DNMBP: variants seen among roughly 807,000 people sequenced by gnomAD.
DNMBP encodes dynamin-binding protein.
DNMBP carries 87 observed loss-of-function variants against 150.0 expected under a neutral mutation model. That is an observed-to-expected ratio of 0.58 (90% CI 0.49 to 0.69). DNMBP has a LOEUF of 0.69. DNMBP is among the 30% of genes least tolerant of loss of function. The pLI is 0.00. For missense variants in DNMBP, 1,774 were observed against 1,949.0 expected, an observed-to-expected ratio of 0.91 and a Z score of 1.69; for synonymous variants, 711 against 750.4, an observed-to-expected ratio of 0.95 and a Z score of 0.86.
In DNMBP at chr10:99,879,084, C is replaced by CAAAAAAAAAAAAAAAAAAAAAAAA. The variant is rs71009780; in HGVS notation, c.4548+726_4548+727insTTTTTTTTTTTTTTTTTTTTTTTT. 1.8e-4 allele frequency among the ~76,000 whole-genome samples: 11 copies of CAAAAAAAAAAAAAAAAAAAAAAAA among 62,396 alleles called. 1 individual carries two copies. The highest frequency in any genetic ancestry group is 2.8e-4 in the Non-Finnish European group (10 of 35,894). 40.9% of individuals were successfully genotyped at this position (62,396 alleles called of 152,430 possible). A position where few individuals can be genotyped will look rare whatever the true frequency, so the allele number is the denominator to read the frequency against. ...TGGGCGACAGAGCAAGACTCTGTCT[C>CAAAAAAAAAAAAAAAAAAAAAAAA]AAAAAAAAAAAAAAAAACCCAAAAC... On this transcript the variant is annotated intron_variant, in intron 16 of 16. Coordinates refer to ENST00000324109, the MANE Select transcript of DNMBP (RefSeq NM_015221.4).
intron 15 of DNMBP, among the ~76,000 whole-genome samples, chr10:99,880,739 C>A (rs1429861590): frequency 6.6e-6 from 1 of 152,198 alleles, no homozygotes; most frequent in Admixed American, 6.5e-5. Context: ...ACACTGAGAT[C>A]ATGCCTAAGA....
chr10:99,877,205 G>C lies in DNMBP; in HGVS notation c.4680C>G (p.Asn1560Lys). 6.2e-7 allele frequency: 1 copy of C among 1,613,860 alleles called. No individual in the cohort carries two copies. Among genetic ancestry groups the C allele is most frequent in the Non-Finnish European group, 8.5e-7 (1 of 1,179,950 alleles). The stretch of plus-strand genomic sequence containing the variant: ...TGGAGGGAACGTAGCCCTTCTTCCC[G>C]TTAACCTCAGCTAACCACCACTCTG... ...GNTEWWLAEV[N>K]GKKGYVPSNY... is the part of the protein sequence containing the mutation. The change falls in exon 17 of 17, where the codon AAC (asparagine) becomes AAG (lysine). Residue 1560 changes from asparagine (N) to lysine (K), a missense_variant. Physicochemically the swap from Asn to Lys is moderately conservative, Grantham distance 94. Transcript: ENST00000324109.
chr10:99,913,303 A>AT (rs1167126281), intron 4 of DNMBP, among the ~76,000 whole-genome samples: 6 of 152,088 alleles, frequency 3.9e-5, no homozygotes, highest in Non-Finnish European at 7.4e-5. Context: ...CAATCTATAA[A>AT]ATGAGGATAA....
intron 4 of DNMBP, chr10:99,930,651 A>G: frequency 1.4e-6 from 1 of 702,902 alleles, no homozygotes; most frequent in Non-Finnish European, 2.6e-6. Flanking sequence ...TCCATCCAGC[A>G]CTGTAAGGTT....
rs374772342 is a variant in DNMBP at position 99,901,622 on chromosome 10, G to A, written c.2555-1556C>T. Reference sequence around the variant, plus strand: ...CTTCAGAGCTGTGGCCTGAACGTGCGGGTCCCTGGCTTACTATGATGACTC... The same window carrying A: ...CTTCAGAGCTGTGGCCTGAACGTGCAGGTCCCTGGCTTACTATGATGACTC... On this transcript the variant is annotated intron_variant, in intron 6 of 16. Transcript: ENST00000324109. Among the ~76,000 whole-genome samples the A allele has an allele frequency of 3.7e-4, 56 of 152,156 alleles. 1 individual carries two copies. The East Asian group carries it at 6.8e-3, about 18-fold the overall frequency.
intron 6 of DNMBP, among the ~76,000 whole-genome samples, chr10:99,903,392 G>C: frequency 6.6e-6 from 1 of 151,570 alleles, no homozygotes; most frequent in East Asian, 1.9e-4. Flanking sequence ...GGAGTGCACT[G>C]TCATGAACCA....
intron 4 of DNMBP, 22 bp from the exon 5 acceptor site, chr10:99,909,168 G>A (rs191919306): frequency 3.4e-4 from 545 of 1,596,436 alleles, no homozygotes; most frequent in Non-Finnish European, 3.9e-4. Context: ...AAGAGAACTG[G>A]TTAGCAGCTC....
intron 11 of DNMBP, among the ~76,000 whole-genome samples, chr10:99,892,150 C>T (rs373392278): frequency 0.012 from 1,399 of 120,388 alleles, 49 homozygotes; most frequent in African/African-American, 0.031. Context: ...CCCGGCCAGC[C>T]GCCCCGTCCA....
chr10:100,003,144 AG>A (rs778766440), intron 1 of DNMBP, among the ~76,000 whole-genome samples: 1 of 152,258 alleles, frequency 6.6e-6, no homozygotes, highest in Non-Finnish European at 1.5e-5. Flanking sequence ...GGTCACATTG[AG>A]ACCATCCTGG....
intron 4 of DNMBP, chr10:99,930,576 T>C: frequency 1.4e-6 from 1 of 702,908 alleles, no homozygotes; most frequent in South Asian, 1.5e-5. Context: ...ACAATCCCTT[T>C]TTCTGTAGGG....
chr10:99,988,486 A>G (rs2040851572), intron 1 of DNMBP, among the ~76,000 whole-genome samples: 1 of 152,154 alleles, frequency 6.6e-6, no homozygotes, highest in Non-Finnish European at 1.5e-5. Context: ...GTAAAATGAG[A>G]TTAGATAAGT....
Position 99,883,994 on chromosome 10 carries a change from C to T in DNMBP, c.3997+17G>A, listed in dbSNP as rs763249912. 2 of 1,612,526 alleles carry T rather than the reference C, an allele frequency of 1.2e-6. No homozygotes were observed. Among genetic ancestry groups the T allele is most frequent in the Non-Finnish European group, 1.7e-6 (2 of 1,178,994 alleles). ...TTTTTTTTCCAGTTACAGTCCTCTGCTGCTTAAAATTCTTACCTCCATTGT... is the reference window on the plus strand; with the variant it reads ...TTTTTTTTCCAGTTACAGTCCTCTGTTGCTTAAAATTCTTACCTCCATTGT... On this transcript the variant is annotated intron_variant, in intron 15 of 16. Transcript: ENST00000324109.
intron 3 of DNMBP, among the ~76,000 whole-genome samples, chr10:99,967,699 GGGTA>G (rs775623152): frequency 6.9e-6 from 1 of 145,546 alleles, no homozygotes; most frequent in Admixed American, 6.9e-5. Flanking sequence ...GTGTGTGTGT[GGGTA>G]TGTGTGTACA....
chr10:99,991,165 GCC>G (rs2040886935), intron 1 of DNMBP, among the ~76,000 whole-genome samples: 2 of 150,626 alleles, frequency 1.3e-5, no homozygotes, highest in African/African-American at 4.9e-5. Context: ...TGCAACCTCT[GCC>G]TCCCGGGTTC....
At chr10:100,000,813 T>C (rs1240567218) in intron 1 of DNMBP, among the ~76,000 whole-genome samples, 3 of 141,092 alleles carry the variant, frequency 2.1e-5, no homozygotes, top group Admixed American at 7.7e-5. Context: ...CCTTGAGGAA[T>C]TGGGAAGGCA....
chr10:99,990,265 T>C (rs1200976128), intron 1 of DNMBP, among the ~76,000 whole-genome samples: 3 of 151,912 alleles, frequency 2.0e-5, no homozygotes, highest in South Asian at 2.1e-4. Flanking sequence ...AAAATTAGGA[T>C]TGGCTGGCTA....
chr10:99,889,960 T>C (rs2039532122), intron 11 of DNMBP, among the ~76,000 whole-genome samples: 2 of 152,334 alleles, frequency 1.3e-5, no homozygotes, highest in Admixed American at 1.3e-4. Context: ...CAAAGACAAC[T>C]GCCCTGCCAT....
rs540634837 is a variant in DNMBP at position 99,963,406 on chromosome 10, G to GT, written c.268+5708dup. ...TGTTTTATAGCCCTGTTACTGAACC[G>GT]TAAGTCTCTGTTTTTCATCAGAAAG... is the stretch of plus-strand genomic sequence containing the variant. On this transcript the variant is annotated intron_variant, in intron 3 of 16. Coordinates refer to ENST00000324109, the MANE Select transcript of DNMBP (RefSeq NM_015221.4). Among the ~76,000 whole-genome samples the GT allele has an allele frequency of 4.4e-4, 67 of 150,998 alleles. 1 individual carries two copies. Among genetic ancestry groups the GT allele is most frequent in the African/African-American group, 1.0e-3 (42 of 41,018 alleles).
intron 1 of DNMBP, among the ~76,000 whole-genome samples, chr10:99,987,939 A>G (rs1341475505): frequency 2.0e-5 from 3 of 152,194 alleles, no homozygotes; most frequent in Non-Finnish European, 1.5e-5. Context: ...TTAATTAACT[A>G]TGTCCTAGAG....
Sources: allele counts gnomAD v4.1 joint callset (sites outside exome capture counted in the v4.1 genomes callset), GRCh38; gene constraint gnomAD v4.1.1; transcripts MANE v1.5; gene names NCBI Gene and HGNC (gene_info 2026-07-23, HGNC 2026-07-21).